NUP98: variants seen among roughly 807,000 people sequenced by gnomAD.
NUP98 encodes nucleoporin 98 and 96 precursor, also known as nuclear pore complex protein Nup98-Nup96.
NUP98 carries 26 observed loss-of-function variants against 191.9 expected under a neutral mutation model. That is an observed-to-expected ratio of 0.14 (90% CI 0.10 to 0.19). NUP98 has a LOEUF of 0.19. NUP98 is among the 10% of genes least tolerant of loss of function. The pLI is 1.00. For synonymous variants in NUP98, 808 were observed against 778.4 expected, an observed-to-expected ratio of 1.04 and a Z score of -0.63; for missense variants, 1,941 against 2,178.8, an observed-to-expected ratio of 0.89 and a Z score of 2.17.
intron 7 of NUP98, among the ~76,000 whole-genome samples, chr11:3,770,347 C>T (rs753500885): frequency 1.3e-5 from 2 of 151,848 alleles, no homozygotes; most frequent in Non-Finnish European, 2.9e-5. Flanking sequence ...TAAAATTAGT[C>T]GGGTGTGGTG....
chr11:3,779,800 C>A (rs1202082750), intron 2 of NUP98, among the ~76,000 whole-genome samples: 1 of 151,822 alleles, frequency 6.6e-6, no homozygotes, highest in Non-Finnish European at 1.5e-5. Flanking sequence ...AAAGGAGTGA[C>A]TTTTCAATAA....
At position 3,788,828 on chromosome 11, in the gene NUP98, T is replaced by C. The variant is rs961671259; in HGVS notation, c.-28-6683A>G. Among the ~76,000 whole-genome samples, 16 of 151,856 alleles carry C rather than the reference T, an allele frequency of 1.1e-4. 1 individual carries two copies. The highest frequency in any genetic ancestry group is 6.6e-4 in the Admixed American group (10 of 15,218). On this transcript the variant is annotated intron_variant, in intron 1 of 32. Transcript: ENST00000324932. ...CAGTTGTCGTGACGCATGCCTGTCA[T>C]CCCAGCTATTCGGGAGGCTGAGGCA...
chr11:3,780,643 A>G (rs2081937537), intron 2 of NUP98, among the ~76,000 whole-genome samples: 1 of 151,976 alleles, frequency 6.6e-6, no homozygotes, highest in South Asian at 2.1e-4. Flanking sequence ...CATGCTTCTT[A>G]AAGAATCCTT....
rs2078033423 is a variant in NUP98 at position 3,683,367 on chromosome 11, T to C, written c.4751A>G (p.Lys1584Arg). Residue 1584 changes from lysine to arginine, a missense_variant, in exon 30 of 33, where the codon AAA becomes AGA. Physicochemically the swap from Lys to Arg is conservative, Grantham distance 26. This residue lies in a region of NUP98 where 1,030 missense variants were observed against 1,115.8 expected (regional missense o/e 0.92). Coordinates refer to ENST00000324932, the MANE Select transcript of NUP98 (RefSeq NM_016320.5). ...GAGCTTCTGGGTAAGGAAAGTCTCT[T>C]TAGCCCAAGATTCAGGGGTCTCCAA... The part of the protein sequence containing the change: ...QLLETPESWA[K>R]ETFLTQKLRV... 1 of 1,614,048 alleles carries C rather than the reference T, an allele frequency of 6.2e-7. No individual in the cohort carries two copies. Among genetic ancestry groups the C allele is most frequent in the African/African-American group, 1.3e-5 (1 of 74,912 alleles).
At chr11:3,789,054 G>A (rs999695581) in intron 1 of NUP98, among the ~76,000 whole-genome samples, 1 of 152,052 alleles carries the variant, frequency 6.6e-6, no homozygotes, top group Non-Finnish European at 1.5e-5. Flanking sequence ...TCTGCCACTT[G>A]CTACTGTAAG....
At chr11:3,691,982 T>G (rs534314039) in intron 27 of NUP98, among the ~76,000 whole-genome samples, 41 of 152,104 alleles carry the variant, frequency 2.7e-4, no homozygotes, top group South Asian at 6.2e-4. Context: ...GCCAAGTAGT[T>G]CAAGACCTGC....
At chr11:3,679,460 A>G (rs2077921399) in intron 31 of NUP98, 94 bp downstream of exon 31, 1 of 1,381,916 alleles carries the variant, frequency 7.2e-7, no homozygotes, top group Non-Finnish European at 1.0e-6. Flanking sequence ...CTGTCAGTGC[A>G]TTCTCAAGTG....
chr11:3,690,504 C>T (rs2078278915), intron 28 of NUP98, among the ~76,000 whole-genome samples: 1 of 152,078 alleles, frequency 6.6e-6, no homozygotes, highest in African/African-American at 2.4e-5. Flanking sequence ...TCGTGATCCG[C>T]ACACCTTGGC....
intron 1 of NUP98, among the ~76,000 whole-genome samples, chr11:3,783,150 G>A (rs2082031409): frequency 6.6e-6 from 1 of 152,166 alleles, no homozygotes; most frequent in African/African-American, 2.4e-5. Context: ...CTGACAGCTT[G>A]GGAGGCTGAA....
At chr11:3,786,933 C>T (rs988138943) in intron 1 of NUP98, among the ~76,000 whole-genome samples, 2 of 152,212 alleles carry the variant, frequency 1.3e-5, no homozygotes, top group African/African-American at 4.8e-5. Context: ...TCATTAAACT[C>T]CTTTGTATCA....
In NUP98 at chr11:3,771,861, G is replaced by C; in HGVS notation, c.671C>G (p.Thr224Arg). 1 of 1,614,168 alleles carries C rather than the reference G, an allele frequency of 6.2e-7. No individual in the cohort carries two copies. The change falls in exon 7 of 33, where the codon ACA (threonine) becomes AGA (arginine). Residue 224 changes from threonine (T) to arginine (R), a missense_variant. Physicochemically the swap from Thr to Arg is moderately conservative, Grantham distance 71 (BLOSUM62 -1). This residue lies in a region of NUP98 where 181 missense variants were observed against 228.0 expected (regional missense o/e 0.79). Transcript: ENST00000324932. ...TGGAGAAGACCCAAACAAGCCAGTTGTGGTACCTGCTCCCACCTGGTTCTG... is the reference window on the plus strand; with the variant it reads ...TGGAGAAGACCCAAACAAGCCAGTTCTGGTACCTGCTCCCACCTGGTTCTG... ...GPQNQVGAGT[T>R]TGLFGSSPAT...
intron 10 of NUP98, among the ~76,000 whole-genome samples, chr11:3,754,167 G>T (rs917674100): frequency 5.3e-5 from 8 of 152,234 alleles, no homozygotes; most frequent in African/African-American, 1.9e-4. Context: ...GGTGGCTTAC[G>T]CCTGTAATCC....
At position 3,797,538 on chromosome 11, in the gene NUP98, G is replaced by T. The variant is rs1396714822; in HGVS notation, c.-167C>A. 6 of 448,988 alleles carry T rather than the reference G, an allele frequency of 1.3e-5. No homozygotes were observed. The highest frequency in any genetic ancestry group is 2.3e-5 in the Non-Finnish European group (6 of 255,404). 27.8% of individuals were successfully genotyped at this position (448,988 alleles called of 1,614,324 possible). On this transcript the variant is annotated 5_prime_UTR_variant, in exon 1 of 33. Coordinates refer to ENST00000324932, the MANE Select transcript of NUP98 (RefSeq NM_016320.5). ...CCGACCGCCGCTTCGGGCGCAGCGC[G>T]CAGAGGGCCCGACTGCGTCACACGC...
At chr11:3,687,907 G>C (rs1472263094) in intron 28 of NUP98, among the ~76,000 whole-genome samples, 1 of 151,932 alleles carries the variant, frequency 6.6e-6, no homozygotes, top group East Asian at 1.9e-4. Context: ...ACTCATGCCT[G>C]TAATAGACAT....
At chr11:3,695,170 T>G (rs1007527822) in intron 26 of NUP98, among the ~76,000 whole-genome samples, 1 of 152,140 alleles carries the variant, frequency 6.6e-6, no homozygotes, top group Non-Finnish European at 1.5e-5. Context: ...CTCAAAAAAA[T>G]TAATTAACTA....
intron 30 of NUP98, 91 bp downstream of exon 30, chr11:3,683,109 T>G: frequency 4.5e-6 from 7 of 1,550,576 alleles, no homozygotes; most frequent in Non-Finnish European, 5.3e-6. Context: ...TGTCCTACGT[T>G]GAGTCTTATT....
intron 24 of NUP98, among the ~76,000 whole-genome samples, chr11:3,700,404 A>C (rs756525798): frequency 1.2e-4 from 19 of 152,238 alleles, no homozygotes; most frequent in Non-Finnish European, 1.8e-4. Context: ...GAATTTGTAC[A>C]TTAATGGGTA....
At position 3,699,248 on chromosome 11, in the gene NUP98, T is replaced by A. The variant is rs752003356; in HGVS notation, c.3843A>T (p.Gln1281His). ...AGAAAGCTCTTCTTCGCTCCAGAAT[T>A]TGAATGTATTCACGGGGTTCATTTA... ...SQLNEPREYI[Q>H]ILERRRAFSR... The change falls in exon 25 of 33, where the codon CAA becomes CAT. Residue 1281 changes from glutamine to histidine, a missense_variant. Around this residue, in one of 6 missense-constraint regions of NUP98, gnomAD observed 1,030 missense variants for 1,115.8 expected, o/e 0.92. Coordinates refer to ENST00000324932, the MANE Select transcript of NUP98 (RefSeq NM_016320.5). 6.2e-7 allele frequency: 1 copy of A among 1,614,168 alleles called. No homozygotes were observed. Among genetic ancestry groups the A allele is most frequent in the African/African-American group, 1.3e-5 (1 of 75,040 alleles).
At chr11:3,702,313 A>ACACT (rs1564821342) in intron 23 of NUP98, 150 bp downstream of exon 23, 50 of 349,242 alleles carry the variant, frequency 1.4e-4, no homozygotes, top group Middle Eastern at 8.2e-4. Flanking sequence ...ACACACACAC[A>ACACT]CTCTCTCTCT....
Sources: gnomAD v4.1 joint callset for allele counts (sites outside exome capture counted in the v4.1 genomes callset) on GRCh38, gnomAD v4.1.1 for gene constraint, gnomAD v4.1.1 regional missense constraint, MANE v1.5 for transcripts, NCBI Gene and HGNC (gene_info 2026-07-23, HGNC 2026-07-21) for gene names.